RGS7: variants seen among roughly 807,000 people sequenced by gnomAD.
RGS7 encodes the protein regulator of G-protein signaling 7.
RGS7 carries 27 observed loss-of-function variants against 81.1 expected under a neutral mutation model. That is an observed-to-expected ratio of 0.33 (90% CI 0.25 to 0.46). The LOEUF is 0.46. Among genes scored for constraint, RGS7 ranks in the 20% least tolerant of loss-of-function variants. The pLI, the probability that RGS7 is intolerant of heterozygous loss-of-function variation, is 1.00. For synonymous variants in RGS7, 208 were observed against 207.7 expected (o/e 1.00, Z -0.01); for missense variants, 396 against 607.4 (o/e 0.65, Z 3.66).
At chr1:240,909,401 C>T (rs1198436669) in intron 6 of RGS7, among the ~76,000 whole-genome samples, 3 of 152,152 alleles carry the variant, frequency 2.0e-5, no homozygotes, top group African/African-American at 7.2e-5. Flanking sequence ...CTTGTATATT[C>T]CCACCCCTAG....
At chr1:240,953,353 G>T (rs917027749) in intron 4 of RGS7, among the ~76,000 whole-genome samples, 1 of 151,788 alleles carries the variant, frequency 6.6e-6, no homozygotes, top group Non-Finnish European at 1.5e-5. Flanking sequence ...TCATAAAATA[G>T]ATCTTAAATC....
intron 3 of RGS7, among the ~76,000 whole-genome samples, chr1:241,029,159 G>A (rs1288667719): frequency 1.3e-5 from 2 of 151,806 alleles, no homozygotes; most frequent in Non-Finnish European, 2.9e-5. Context: ...AGAAACTAGA[G>A]GAAGTCACTC....
At chr1:241,152,140 CAAA>C (rs112950850) in intron 2 of RGS7, among the ~76,000 whole-genome samples, 1 of 108,434 alleles carries the variant, frequency 9.2e-6, no homozygotes. Flanking sequence ...CATTAGCAGC[CAAA>C]AAAAAAAAAA....
intron 2 of RGS7, among the ~76,000 whole-genome samples, chr1:241,180,658 A>G (rs1219907969): frequency 1.3e-5 from 2 of 152,138 alleles, no homozygotes; most frequent in Non-Finnish European, 2.9e-5. Flanking sequence ...TTACTCTTCT[A>G]TTATAATAAG....
chr1:240,779,180 T>C (rs1396828047), intron 18 of RGS7, among the ~76,000 whole-genome samples: 1 of 151,492 alleles, frequency 6.6e-6, no homozygotes, highest in African/African-American at 2.4e-5. Flanking sequence ...AATGGCGCAA[T>C]CTCGGGTCAC....
At chr1:241,186,524 T>TATATATATATA (rs375213177) in intron 2 of RGS7, 15 of 235,856 alleles carry the variant, frequency 6.4e-5, no homozygotes, top group Admixed American at 1.7e-4. Context: ...TATATATATA[T>TATATATATATA]TTTTTTTTTT....
At chr1:240,989,658 G>A (rs139143862) in intron 3 of RGS7, among the ~76,000 whole-genome samples, 14 of 152,132 alleles carry the variant, frequency 9.2e-5, no homozygotes, top group African/African-American at 2.2e-4. Flanking sequence ...GACTATAGGC[G>A]TGTTCCTGGT....
chr1:240,971,084 C>T (rs6429231), intron 4 of RGS7, among the ~76,000 whole-genome samples: 62,348 of 151,966 alleles, frequency 0.41, 13,309 homozygotes, highest in East Asian at 0.68. Flanking sequence ...CAAATTCATA[C>T]GGGAGGTGAT....
chr1:240,992,021 T>C (rs1686527408), intron 3 of RGS7, among the ~76,000 whole-genome samples: 1 of 152,174 alleles, frequency 6.6e-6, no homozygotes, highest in Admixed American at 6.5e-5. Flanking sequence ...ATCAATCTAG[T>C]CCAGACACAG....
intron 6 of RGS7, among the ~76,000 whole-genome samples, chr1:240,870,981 C>G (rs1664389177): frequency 6.6e-6 from 1 of 152,242 alleles, no homozygotes; most frequent in African/African-American, 2.4e-5. Flanking sequence ...AGTCGATGGC[C>G]TGGGCTACCA....
intron 2 of RGS7, among the ~76,000 whole-genome samples, chr1:241,326,706 G>T (rs577171447): frequency 1.3e-5 from 2 of 151,212 alleles, no homozygotes; most frequent in East Asian, 4.0e-4. Flanking sequence ...CACTTTGGGA[G>T]GCAAAGGTGG....
chr1:240,936,484 C>T, intron 5 of RGS7, 116 bp downstream of exon 5: 2 of 776,298 alleles, frequency 2.6e-6, no homozygotes. Context: ...TCTAACTAGC[C>T]TAAGTCAAAG....
chr1:240,910,608 A>T (rs1671585890), intron 6 of RGS7, among the ~76,000 whole-genome samples: 1 of 152,222 alleles, frequency 6.6e-6, no homozygotes, highest in South Asian at 2.1e-4. Flanking sequence ...AGCACAAAGA[A>T]ATAATAGTGT....
intron 3 of RGS7, among the ~76,000 whole-genome samples, chr1:241,029,005 G>A (rs983314157): frequency 2.0e-5 from 3 of 152,146 alleles, no homozygotes; most frequent in Non-Finnish European, 4.4e-5. Flanking sequence ...TTCCAGCCAA[G>A]AGATTGGACC....
rs2065323787 is a variant in RGS7, at chr1:241,109,000, T to C, written c.79-10238A>G. Among the ~76,000 whole-genome samples, 5 of 152,130 alleles carry C rather than the reference T, an allele frequency of 3.3e-5. No individual in the cohort carries two copies. In the South Asian group the frequency reaches 1.0e-3, roughly 32 times the overall value. ...CGAACTCCTTACCTCCTGATCCCAC[T>C]TGAGCTCACATCAGTTCGCTCAAGT... On this transcript the variant is annotated intron_variant, in intron 2 of 18. Transcript: ENST00000440928.
chr1:241,208,307 C>T (rs973281513), intron 2 of RGS7, among the ~76,000 whole-genome samples: 3 of 152,140 alleles, frequency 2.0e-5, no homozygotes, highest in Admixed American at 2.0e-4. Context: ...GTCTAAGCCA[C>T]GCCCTGACGA....
intron 3 of RGS7, among the ~76,000 whole-genome samples, chr1:241,061,608 G>A (rs527300831): frequency 1.1e-4 from 16 of 152,258 alleles, no homozygotes; most frequent in African/African-American, 2.6e-4. Flanking sequence ...TTGGGAGCAC[G>A]CAGGAGGACA....
At chr1:240,921,936 C>T (rs1175510783) in intron 6 of RGS7, among the ~76,000 whole-genome samples, 1 of 151,960 alleles carries the variant, frequency 6.6e-6, no homozygotes, top group Non-Finnish European at 1.5e-5. Context: ...ACCCAAATTA[C>T]ACAACACAAT....
intron 2 of RGS7, among the ~76,000 whole-genome samples, chr1:241,339,823 T>C (rs1450720696): frequency 1.3e-5 from 2 of 152,110 alleles, no homozygotes; most frequent in Admixed American, 6.6e-5. Flanking sequence ...TGCCTAGCAG[T>C]GTAGGAGCCT....
Sources: gnomAD v4.1 joint callset for allele counts (sites outside exome capture counted in the v4.1 genomes callset) on GRCh38, gnomAD v4.1.1 for gene constraint, MANE v1.5 for transcripts, NCBI Gene and HGNC (gene_info 2026-07-23, HGNC 2026-07-21) for gene names.